KIDINS220: variants seen among roughly 807,000 people sequenced by gnomAD.
The protein encoded by KIDINS220 is kinase D interacting substrate 220.
A neutral mutation model predicts 157.6 loss-of-function variants in KIDINS220; 63 were observed. The ratio of observed to expected loss-of-function variants is 0.40; its 90% CI spans 0.33 to 0.49. The LOEUF (loss-of-function observed/expected upper bound fraction) is 0.49. Ranked by LOEUF, KIDINS220 falls within the 20% of genes least tolerant of loss-of-function variation. The pLI is 0.66. For missense variants in KIDINS220, 1,772 were observed against 2,171.2 expected (o/e 0.82, Z 3.65); for synonymous variants, 732 against 783.6 (o/e 0.93, Z 1.10).
At chr2:8,735,446 C>G (rs10188866) in intron 27 of KIDINS220, among the ~76,000 whole-genome samples, 2,532 of 152,108 alleles carry the variant, frequency 0.017, 34 homozygotes, top group East Asian at 0.053. Flanking sequence ...GCAGGAGGAT[C>G]GCTTGCACCC....
At chr2:8,818,950 T>C (rs1245651051) in intron 2 of KIDINS220, among the ~76,000 whole-genome samples, 157 bp from the exon 3 acceptor site, 1 of 152,230 alleles carries the variant, frequency 6.6e-6, no homozygotes, top group Non-Finnish European at 1.5e-5. Flanking sequence ...ACTTTAAGTT[T>C]CAGTTTACTA....
chr2:8,806,899 T>C (rs1169831189), intron 6 of KIDINS220, among the ~76,000 whole-genome samples: 1 of 152,182 alleles, frequency 6.6e-6, no homozygotes, highest in Non-Finnish European at 1.5e-5. Context: ...ACTATTATAA[T>C]GAGTGACAAT....
downstream of KIDINS220, among the ~76,000 whole-genome samples, chr2:8,728,365 C>A (rs369654907): frequency 1.6e-4 from 25 of 152,148 alleles, no homozygotes; most frequent in Admixed American, 8.5e-4. Flanking sequence ...CCACAAAAAA[C>A]CCCACAGGAC....
chr2:8,732,059 A>T (rs1664202446), intron 29 of KIDINS220, 77 bp from the exon 30 acceptor site: 1 of 1,261,834 alleles, frequency 7.9e-7, no homozygotes, highest in African/African-American at 1.5e-5. Context: ...TAGGAAATAT[A>T]TATGTACACT....
chr2:8,830,513 G>A (rs1432269113), intron 1 of KIDINS220, among the ~76,000 whole-genome samples: 1 of 152,162 alleles, frequency 6.6e-6, no homozygotes, highest in Non-Finnish European at 1.5e-5. Context: ...TGACCTCTAG[G>A]GCTCAAGCGA....
chr2:8,816,663 A>G (rs1285757163), intron 4 of KIDINS220, among the ~76,000 whole-genome samples: 1 of 152,190 alleles, frequency 6.6e-6, no homozygotes, highest in East Asian at 1.9e-4. Flanking sequence ...TACCTTTCGT[A>G]CCAACAAGGC....
intron 22 of KIDINS220, among the ~76,000 whole-genome samples, chr2:8,759,402 A>G (rs1262946665): frequency 6.6e-6 from 1 of 151,854 alleles, no homozygotes; most frequent in African/African-American, 2.4e-5. Context: ...CCGAGGGTGT[A>G]TATCTCCAAG....
At chr2:8,774,297 A>AC (rs1477958661) in intron 21 of KIDINS220, among the ~76,000 whole-genome samples, 1 of 147,074 alleles carries the variant, frequency 6.8e-6, no homozygotes, top group Non-Finnish European at 1.5e-5. Context: ...CTCTGTCTCA[A>AC]AAAAAAAAAA....
Position 8,818,774 on chromosome 2 carries a change from A to G in KIDINS220, c.128T>C (p.Met43Thr). ...CAGATTGCCTTGTTCGGCAGCTATC[A>G]TCAGTGGAGTCTGGCCACACTAGAG... is the stretch of plus-strand genomic sequence containing the variant. ...ERNECGQTPL[M>T]IAAEQGNLEI... Residue 43 changes from methionine (M) to threonine (T), a missense_variant, in exon 3 of 30, where the codon ATG becomes ACG. Transcript: ENST00000256707. 13 of 1,608,314 alleles carry G rather than the reference A, an allele frequency of 8.1e-6. No homozygotes were observed. The highest frequency in any genetic ancestry group is 1.1e-5 in the Non-Finnish European group (13 of 1,175,934).
Position 8,730,856 on chromosome 2 carries a change from T to C in KIDINS220, c.5180A>G (p.Glu1727Gly). 1 of 1,614,234 alleles carries C rather than the reference T, an allele frequency of 6.2e-7. No individual in the cohort carries two copies. The highest frequency in any genetic ancestry group is 1.7e-5 in the Admixed American group (1 of 60,026). The change falls in exon 30 of 30, where the codon GAG (glutamate) becomes GGG (glycine). Residue 1727 changes from glutamate (E) to glycine (G), a missense_variant. By Grantham distance (98) the Glu-to-Gly change is moderately conservative. Coordinates refer to ENST00000256707, the MANE Select transcript of KIDINS220 (RefSeq NM_020738.4). Reference protein sequence around the residue: ...SSPNPTTIQNENLKSMTHKRS... With the variant: ...SSPNPTTIQNGNLKSMTHKRS... ...CTTATGTGTCATGCTTTTTAGATTCTCATTCTGAATAGTGGTTGGGTTGGG... is the reference window on the plus strand; with the variant it reads ...CTTATGTGTCATGCTTTTTAGATTCCCATTCTGAATAGTGGTTGGGTTGGG...
chr2:8,781,431 TTA>T (rs1181865153), intron 17 of KIDINS220, among the ~76,000 whole-genome samples: 1 of 151,844 alleles, frequency 6.6e-6, no homozygotes, highest in East Asian at 1.9e-4. Flanking sequence ...ACACCTACAC[TTA>T]TTTCATCCAA....
rs374655785 is a variant in KIDINS220, at chr2:8,783,459, C to A, written c.2229+2282G>T. ...ACCACTCCTTTTCAACATAGTACTG[C>A]AAGTCCTAACTAATGCAATAAAACA... On this transcript the variant is annotated intron_variant, in intron 17 of 29. Transcript: ENST00000256707. Among the ~76,000 whole-genome samples, 36 of 152,116 alleles carry A rather than the reference C, an allele frequency of 2.4e-4. 1 individual carries two copies. In the South Asian group the frequency reaches 7.5e-3, roughly 32 times the overall value.
At chr2:8,834,036 T>C (rs932610950) in intron 1 of KIDINS220, among the ~76,000 whole-genome samples, 2 of 152,164 alleles carry the variant, frequency 1.3e-5, no homozygotes, top group Non-Finnish European at 2.9e-5. Flanking sequence ...TTCCTGAATG[T>C]GGCCCCTCCC....
At chr2:8,724,660 C>T (rs1208653480), downstream of KIDINS220, 1 of 151,968 alleles carries the variant, frequency 6.6e-6, no homozygotes, top group Non-Finnish European at 1.5e-5. This position sits in a 1 kb window ranked among gnomAD's most constrained non-coding sequence, Gnocchi z 4.6. Flanking sequence ...AGGGCCTCAC[C>T]CTGTAACCCA....
downstream of KIDINS220, chr2:8,727,070 C>T (rs1328121823): frequency 1.1e-5 from 11 of 985,454 alleles, no homozygotes; most frequent in African/African-American, 5.1e-5. Context: ...GTTGTCTATA[C>T]GTTTCTATTT....
intron 10 of KIDINS220, 85 bp downstream of exon 10, chr2:8,798,117 A>G: frequency 1.3e-6 from 1 of 777,402 alleles, no homozygotes; most frequent in Non-Finnish European, 2.2e-6. Flanking sequence ...TAACTCTAAC[A>G]TCAAACAAAG....
chr2:8,736,481 A>G (rs1057070186), intron 27 of KIDINS220, among the ~76,000 whole-genome samples: 6 of 152,242 alleles, frequency 3.9e-5, no homozygotes, highest in African/African-American at 1.4e-4. Context: ...GATAATCACT[A>G]AATCACACTA....
At chr2:8,726,362 G>A (rs939830478), downstream of KIDINS220, among the ~76,000 whole-genome samples, 11 of 152,212 alleles carry the variant, frequency 7.2e-5, no homozygotes, top group African/African-American at 2.7e-4. Context: ...TGTAAGCCAA[G>A]GCTGTGATTG....
intron 5 of KIDINS220, among the ~76,000 whole-genome samples, chr2:8,812,868 T>C (rs1408115628): frequency 6.6e-5 from 10 of 152,210 alleles, no homozygotes; most frequent in Non-Finnish European, 1.0e-4. Flanking sequence ...AATGTAAATA[T>C]ATATAACAGA....
Sources: allele counts gnomAD v4.1 joint callset (sites outside exome capture counted in the v4.1 genomes callset), GRCh38; gene constraint gnomAD v4.1.1; non-coding constraint Gnocchi (gnomAD v3.1); transcripts MANE v1.5; gene names NCBI Gene and HGNC (gene_info 2026-07-23, HGNC 2026-07-21).